AOAH: variants seen among roughly 807,000 people sequenced by gnomAD.
The protein encoded by AOAH is acyloxyacyl hydrolase (neutrophil).
A neutral mutation model predicts 92.2 loss-of-function variants in AOAH; 64 were observed. The observed-to-expected ratio is 0.69, with a 90% CI of 0.57 to 0.86. AOAH has a LOEUF of 0.86. Among genes scored for constraint, AOAH ranks in the 40% least tolerant of loss-of-function variants. The probability of loss-of-function intolerance (pLI) is 0.00; values close to 1 mark genes in which losing one functional copy is unlikely to be tolerated. For missense variants in AOAH, 656 were observed against 694.6 expected, an observed-to-expected ratio of 0.94 and a Z score of 0.62; for synonymous variants, 263 against 254.5, an observed-to-expected ratio of 1.03 and a Z score of -0.32.
At chr7:36,549,513 G>A in intron 13 of AOAH, 38 bp from the exon 14 acceptor site, 1 of 1,430,956 alleles carries the variant, frequency 7.0e-7, no homozygotes, top group Non-Finnish European at 9.7e-7. Flanking sequence ...TAAAGTTAGT[G>A]AGTTCAATTT....
intron 11 of AOAH, among the ~76,000 whole-genome samples, chr7:36,599,556 T>C (rs1056587607): frequency 6.6e-6 from 1 of 152,238 alleles, no homozygotes; most frequent in Non-Finnish European, 1.5e-5. Flanking sequence ...GTAACTGCTG[T>C]TGGAAAAAGA....
intron 16 of AOAH, among the ~76,000 whole-genome samples, chr7:36,534,715 T>C (rs1334953734): frequency 1.3e-5 from 2 of 152,176 alleles, no homozygotes; most frequent in Non-Finnish European, 2.9e-5. Context: ...TGAAGAGAGG[T>C]TGTGTCTGTG....
chr7:36,640,042 T>C (rs1793794530), intron 4 of AOAH, among the ~76,000 whole-genome samples: 2 of 152,054 alleles, frequency 1.3e-5, no homozygotes, highest in Non-Finnish European at 2.9e-5. Context: ...ATGGGTGGCT[T>C]GTGTGTCCTC....
chr7:36,697,276 T>A (rs952742687), intron 1 of AOAH, among the ~76,000 whole-genome samples: 1 of 152,196 alleles, frequency 6.6e-6, no homozygotes, highest in Admixed American at 6.5e-5. Flanking sequence ...TTTCAAATAA[T>A]TTTCCTACTT....
chr7:36,608,905 C>T (rs116242658), intron 11 of AOAH, among the ~76,000 whole-genome samples: 4 of 8,150 alleles, frequency 4.9e-4, no homozygotes, highest in South Asian at 6.3e-3. Flanking sequence ...GCTGTTGCGG[C>T]GGGGAGGGGG....
intron 13 of AOAH, among the ~76,000 whole-genome samples, chr7:36,557,616 G>A (rs1407609613): frequency 6.6e-6 from 1 of 152,182 alleles, no homozygotes; most frequent in African/African-American, 2.4e-5. Context: ...TCACTTTCAG[G>A]TACACCAATC....
At chr7:36,686,828 C>G in intron 1 of AOAH, 34 bp from the exon 2 acceptor site, 3 of 1,411,216 alleles carry the variant, frequency 2.1e-6, no homozygotes, top group Non-Finnish European at 2.9e-6. Flanking sequence ...TAATCTGTGT[C>G]ACACAGAAAA....
intron 1 of AOAH, among the ~76,000 whole-genome samples, chr7:36,694,560 T>A (rs1482644167): frequency 2.0e-5 from 3 of 152,172 alleles, no homozygotes; most frequent in Non-Finnish European, 2.9e-5. Context: ...TACACTTTTG[T>A]CTATACTATA....
chr7:36,618,803 C>A (rs573374821), intron 9 of AOAH, among the ~76,000 whole-genome samples: 1 of 152,304 alleles, frequency 6.6e-6, no homozygotes, highest in South Asian at 2.1e-4. Context: ...AGGACATTGG[C>A]AATGTCTGGA....
chr7:36,707,367 T>C (rs970950337), intron 1 of AOAH, among the ~76,000 whole-genome samples: 1 of 152,054 alleles, frequency 6.6e-6, no homozygotes, highest in Non-Finnish European at 1.5e-5. Flanking sequence ...CCGAAACAAT[T>C]ACAATAGTAA....
intron 12 of AOAH, among the ~76,000 whole-genome samples, chr7:36,585,594 A>G (rs1349851643): frequency 2.0e-5 from 3 of 152,234 alleles, no homozygotes. Context: ...GTCCACCTGT[A>G]GGAGAAAAAA....
chr7:36,574,147 A>T (rs780076781), intron 13 of AOAH, among the ~76,000 whole-genome samples: 57 of 152,236 alleles, frequency 3.7e-4, no homozygotes, highest in Non-Finnish European at 7.9e-4. Flanking sequence ...CTAAAAAAAT[A>T]TCTTTTTACT....
chr7:36,621,071 G>A (rs1262795527), intron 8 of AOAH, among the ~76,000 whole-genome samples: 1 of 152,222 alleles, frequency 6.6e-6, no homozygotes. Flanking sequence ...ACCAAATCCT[G>A]TCTTTTTCAT....
chr7:36,571,714 G>A (rs934978734), intron 13 of AOAH, among the ~76,000 whole-genome samples: 1 of 152,130 alleles, frequency 6.6e-6, no homozygotes, highest in Non-Finnish European at 1.5e-5. Flanking sequence ...CAATTCAGCT[G>A]CCCCCAGCTA....
At chr7:36,528,141 TGAG>T (rs896363703) in intron 19 of AOAH, among the ~76,000 whole-genome samples, 1 of 152,144 alleles carries the variant, frequency 6.6e-6, no homozygotes, top group African/African-American at 2.4e-5. Context: ...ACTAACTTCC[TGAG>T]GAGAAGATGA....
chr7:36,709,700 T>TC (rs398111243), intron 1 of AOAH, among the ~76,000 whole-genome samples: 2 of 151,764 alleles, frequency 1.3e-5, no homozygotes, highest in Non-Finnish European at 2.9e-5. Flanking sequence ...ATTTTTTTTT[T>TC]CCAAAGCAAC....
chr7:36,706,856 A>G (rs1472471042), intron 1 of AOAH, among the ~76,000 whole-genome samples: 1 of 152,104 alleles, frequency 6.6e-6, no homozygotes, highest in African/African-American at 2.4e-5. Flanking sequence ...CACCTCTCCT[A>G]GCCTTCATAG....
chr7:36,634,581 C>T (rs1427866538), intron 5 of AOAH, among the ~76,000 whole-genome samples: 1 of 152,094 alleles, frequency 6.6e-6, no homozygotes, highest in Non-Finnish European at 1.5e-5. Flanking sequence ...GAATAAATCC[C>T]TTCCTTCTTT....
chr7:36,597,423 TACTGTAGGATG>T (rs1189870978), intron 11 of AOAH, among the ~76,000 whole-genome samples: 1 of 152,218 alleles, frequency 6.6e-6, no homozygotes, highest in Admixed American at 6.5e-5. Context: ...AATGTGTGTT[TACTGTAGGATG>T]AGAATATTCA....
Sources: gnomAD v4.1 joint callset for allele counts (sites outside exome capture counted in the v4.1 genomes callset) on GRCh38, gnomAD v4.1.1 for gene constraint, MANE v1.5 for transcripts, NCBI Gene and HGNC (gene_info 2026-07-23, HGNC 2026-07-21) for gene names.